Variants in WWC2 observed in about 807,000 individuals in gnomAD.
WWC2 encodes the protein WW and C2 domain containing 2, also known as protein WWC2.
In WWC2, 101 loss-of-function variants were observed where a neutral mutation model predicts 138.5. The observed-to-expected ratio is 0.73, with a 90% CI of 0.62 to 0.86. WWC2 has a LOEUF of 0.86. WWC2 is among the 40% of genes least tolerant of loss of function. WWC2 has a pLI of 0.00. For synonymous variants in WWC2, 558 were observed against 538.4 expected (o/e 1.04, Z -0.50); for missense variants, 1,420 against 1,419.4 (o/e 1.00, Z -0.01).
intron 4 of WWC2, among the ~76,000 whole-genome samples, chr4:183,222,678 AT>A (rs1315515866): frequency 6.6e-6 from 1 of 152,150 alleles, no homozygotes; most frequent in Non-Finnish European, 1.5e-5. Flanking sequence ...ACATATAAAA[AT>A]ATGTGGCCAG....
chr4:183,240,990 A>G (rs1580097110), intron 5 of WWC2, among the ~76,000 whole-genome samples: 1 of 152,168 alleles, frequency 6.6e-6, no homozygotes, highest in African/African-American at 2.4e-5. Flanking sequence ...AAACCGTGAC[A>G]GGCACACCTG....
intron 14 of WWC2, among the ~76,000 whole-genome samples, chr4:183,267,640 T>C (rs1332757607): frequency 2.0e-5 from 3 of 152,222 alleles, no homozygotes; most frequent in Non-Finnish European, 4.4e-5. Context: ...ACAGTCATTC[T>C]CACTTACCTC....
chr4:183,111,978 G>A (rs752714252), intron 1 of WWC2, among the ~76,000 whole-genome samples: 1 of 152,102 alleles, frequency 6.6e-6, no homozygotes, highest in South Asian at 2.1e-4. Context: ...GATTACAGGC[G>A]TGAGCCACCA....
intron 1 of WWC2, among the ~76,000 whole-genome samples, chr4:183,138,092 C>CT (rs2111088392): frequency 6.6e-6 from 1 of 152,270 alleles, no homozygotes; most frequent in South Asian, 2.1e-4. Context: ...AAATTCCTAT[C>CT]TTTGCTTCGT....
rs1580041787 is a variant in WWC2 at position 183,192,652 on chromosome 4, C to T, written c.132-947C>T. Among the ~76,000 whole-genome samples, 3 of 152,230 alleles carry T rather than the reference C, an allele frequency of 2.0e-5. No homozygotes were observed. The Middle Eastern group carries it at 0.01, about 518-fold the overall frequency. ...GTGATTCTGAAAATGACCTATATTT[C>T]AGTTGAACTGTGAGATCTTTGGATA... On this transcript the variant is annotated intron_variant, in intron 1 of 22. Coordinates refer to ENST00000403733, the MANE Select transcript of WWC2 (RefSeq NM_024949.6).
rs77355724 is a variant in WWC2 at position 183,229,472 on chromosome 4, G to C, written c.523-10711G>C. ...TCCAGTGAGTATCTCCTGACAAATAGAGTATGGAAAGGAAAAACAGGTGAT... is the reference window on the plus strand; with the variant it reads ...TCCAGTGAGTATCTCCTGACAAATACAGTATGGAAAGGAAAAACAGGTGAT... On this transcript the variant is annotated intron_variant, in intron 4 of 22. Transcript: ENST00000403733. Among the ~76,000 whole-genome samples, 1,238 of 152,060 alleles carry C rather than the reference G, an allele frequency of 8.1e-3. 28 individuals are homozygous for C. Among genetic ancestry groups the C allele is most frequent in the African/African-American group, 0.029 (1,189 of 41,352 alleles).
chr4:183,231,493 C>T (rs1736246192), intron 4 of WWC2, among the ~76,000 whole-genome samples: 1 of 151,936 alleles, frequency 6.6e-6, no homozygotes, highest in Admixed American at 6.6e-5. Flanking sequence ...TGATCTTGAA[C>T]TCCCGACCTC....
intron 21 of WWC2, among the ~76,000 whole-genome samples, chr4:183,289,900 G>A (rs570106401): frequency 5.0e-4 from 76 of 151,894 alleles, no homozygotes; most frequent in African/African-American, 1.7e-3. Context: ...GGCCAGTGGG[G>A]GTGAGGGTGT....
intron 1 of WWC2, among the ~76,000 whole-genome samples, chr4:183,113,181 A>G (rs1186903668): frequency 6.6e-6 from 1 of 151,990 alleles, no homozygotes; most frequent in Admixed American, 6.6e-5. Flanking sequence ...TTGAGGCAGC[A>G]GAATCACTTG....
Position 183,315,700 on chromosome 4 carries a change from A to T in WWC2, c.3550A>T (p.Ile1184Phe). 1 of 1,613,590 alleles carries T rather than the reference A, an allele frequency of 6.2e-7. No individual in the cohort carries two copies. The highest frequency in any genetic ancestry group is 8.5e-7 in the Non-Finnish European group (1 of 1,179,668). ...CTACTTCACCAGAGCAAAGATAAGC[A>T]TCCCATCCCTGCCAGCTGATGATGT... ...IAYFTRAKIS[I>F]PSLPADDV is the part of the protein sequence containing the mutation. Residue 1184 changes from isoleucine (I) to phenylalanine (F), a missense_variant, in exon 23 of 23, where the codon ATC becomes TTC. Ile to Phe is a conservative substitution (Grantham distance 21, BLOSUM62 0). Coordinates refer to ENST00000403733, the MANE Select transcript of WWC2 (RefSeq NM_024949.6).
chr4:183,314,004 G>A (rs943293006), intron 22 of WWC2, among the ~76,000 whole-genome samples: 1 of 152,002 alleles, frequency 6.6e-6, no homozygotes, highest in Admixed American at 6.6e-5. Context: ...CAGAAGAAGC[G>A]AGTGTTTTTG....
intron 1 of WWC2, among the ~76,000 whole-genome samples, chr4:183,172,563 T>G (rs532880893): frequency 7.9e-5 from 12 of 151,378 alleles, no homozygotes; most frequent in East Asian, 3.9e-4. Context: ...CTTGTTTTTT[T>G]TTTTTTTTTT....
intron 1 of WWC2, among the ~76,000 whole-genome samples, chr4:183,188,639 CT>C (rs1188790513): frequency 2.3e-5 from 3 of 129,018 alleles, no homozygotes; most frequent in African/African-American, 5.9e-5. Context: ...TCTCTTGCTC[CT>C]TTCTTTTTTT....
chr4:183,105,070 G>A (rs1252637440), intron 1 of WWC2, among the ~76,000 whole-genome samples: 4 of 152,036 alleles, frequency 2.6e-5, no homozygotes, highest in East Asian at 1.9e-4. Context: ...CCCTGTACCC[G>A]GCTAATTTTT....
chr4:183,126,717 C>A (rs1732767766), intron 1 of WWC2, among the ~76,000 whole-genome samples: 1 of 151,946 alleles, frequency 6.6e-6, no homozygotes, highest in Non-Finnish European at 1.5e-5. Flanking sequence ...TATGTATGCA[C>A]ACACACTGGT....
chr4:183,238,047 A>G (rs1400341509), intron 4 of WWC2, among the ~76,000 whole-genome samples: 3 of 152,198 alleles, frequency 2.0e-5, no homozygotes, highest in Non-Finnish European at 4.4e-5. Flanking sequence ...TCTTTATGCC[A>G]GTGACTCTCA....
At chr4:183,250,702 A>T (rs1736951679) in intron 8 of WWC2, among the ~76,000 whole-genome samples, 1 of 152,084 alleles carries the variant, frequency 6.6e-6, no homozygotes. Flanking sequence ...GATTATACTG[A>T]TACATTTGAT....
rs899429543 is a variant in WWC2 at position 183,099,285 on chromosome 4, A to G, written c.-207A>G. On this transcript the variant is annotated 5_prime_UTR_variant, in exon 1 of 23. An upstream start codon of the reference 5' UTR is lost. Transcript: ENST00000403733. Reference sequence around the variant, plus strand: ...TTCGCTCGCCGGCTCCGACGCAGACATGGTGGACTGATCCGCAGCGGGGCC... The same window carrying G: ...TTCGCTCGCCGGCTCCGACGCAGACGTGGTGGACTGATCCGCAGCGGGGCC... 2 of 303,864 alleles carry G rather than the reference A, an allele frequency of 6.6e-6. No homozygotes were observed. The highest frequency in any genetic ancestry group is 5.4e-6 in the Non-Finnish European group (1 of 183,840). The allele number at this position is 303,864 out of a possible 1,614,324, so 18.8% of individuals were successfully genotyped here. A position where few individuals can be genotyped will look rare whatever the true frequency, so the allele number is the denominator to read the frequency against.
chr4:183,239,624 C>T (rs569179019), intron 4 of WWC2, among the ~76,000 whole-genome samples: 1 of 152,276 alleles, frequency 6.6e-6, no homozygotes, highest in South Asian at 2.1e-4. Flanking sequence ...ACAGTGTACA[C>T]GGAGAATTTC....
Sources: gnomAD v4.1 joint callset for allele counts (sites outside exome capture counted in the v4.1 genomes callset) on GRCh38, gnomAD v4.1.1 for gene constraint, MANE v1.5 for transcripts, NCBI Gene and HGNC (gene_info 2026-07-23, HGNC 2026-07-21) for gene names.